The following DNMT3B variants were observed in gnomAD, a reference collection of about 807,000 sequenced individuals.
The protein encoded by DNMT3B is DNA methyltransferase 3 beta.
In DNMT3B, 37 loss-of-function variants were observed where a neutral mutation model predicts 120.2. That is an observed-to-expected ratio of 0.31 (90% CI 0.24 to 0.40). DNMT3B has a LOEUF of 0.40. Among genes scored for constraint, DNMT3B ranks in the 10% least tolerant of loss-of-function variants. The pLI, the probability that DNMT3B is intolerant of heterozygous loss-of-function variation, is 1.00. For missense variants in DNMT3B, 878 were observed against 1,137.3 expected (o/e 0.77, Z 3.28); for synonymous variants, 412 against 442.8 (o/e 0.93, Z 0.87).
intron 20 of DNMT3B, among the ~76,000 whole-genome samples, chr20:32,804,137 A>G (rs1981690345): frequency 1.3e-5 from 2 of 152,166 alleles, no homozygotes; most frequent in South Asian, 2.1e-4. Context: ...TTGCTGATGC[A>G]TTGGATGTGT....
At position 32,791,717 on chromosome 20, in the gene DNMT3B, G is replaced by A; in HGVS notation, c.921+9G>A. On this transcript the variant is annotated intron_variant, in intron 8 of 22. Coordinates refer to ENST00000328111, the MANE Select transcript of DNMT3B (RefSeq NM_006892.4). Reference sequence around the variant, plus strand: ...TGTACCATGCTCTGGAGGTAACATGGGATGAGGGAATGAGGGCTAAGCCCT... The same window carrying A: ...TGTACCATGCTCTGGAGGTAACATGAGATGAGGGAATGAGGGCTAAGCCCT... The A allele has an allele frequency of 6.2e-7, 1 of 1,613,598 alleles. No homozygotes were observed. The highest frequency in any genetic ancestry group is 8.5e-7 in the Non-Finnish European group (1 of 1,179,606).
chr20:32,797,325 A>T, intron 14 of DNMT3B, 26 bp downstream of exon 14: 2 of 1,609,702 alleles, frequency 1.2e-6, no homozygotes, highest in South Asian at 2.2e-5. Flanking sequence ...TGTGGGGTGG[A>T]TGTGGGTGGG....
intron 3 of DNMT3B, among the ~76,000 whole-genome samples, chr20:32,783,562 C>G (rs1010607600): frequency 6.6e-6 from 1 of 152,006 alleles, no homozygotes; most frequent in African/African-American, 2.4e-5. Context: ...CTTCCATTCT[C>G]TTGGTGGTGG....
intron 7 of DNMT3B, among the ~76,000 whole-genome samples, chr20:32,789,310 C>T (rs1392047067): frequency 1.3e-5 from 2 of 152,126 alleles, no homozygotes; most frequent in African/African-American, 2.4e-5. Context: ...GGAGTGGCCA[C>T]GTGAGCAAGT....
At chr20:32,798,749 C>T in intron 15 of DNMT3B, 106 bp downstream of exon 15, 2 of 1,480,878 alleles carry the variant, frequency 1.4e-6, no homozygotes, top group Non-Finnish European at 9.2e-7. Flanking sequence ...ACACGTTGTA[C>T]CTCTTGGAGC....
intron 1 of DNMT3B, among the ~76,000 whole-genome samples, chr20:32,776,210 CAG>C (rs937232312): frequency 1.2e-4 from 18 of 145,766 alleles, no homozygotes; most frequent in Admixed American, 9.0e-4. Context: ...GCCCAGGTGA[CAG>C]AGACTTGATC....
At chr20:32,800,744 C>T (rs1981232717) in intron 17 of DNMT3B, 91 bp from the exon 18 acceptor site, 2 of 1,431,528 alleles carry the variant, frequency 1.4e-6, no homozygotes, top group Admixed American at 1.7e-5. Flanking sequence ...TGTGAGCCAC[C>T]TCGTCCAGCC....
At position 32,800,234 on chromosome 20, in the gene DNMT3B, G is replaced by A. The variant is rs773822999; in HGVS notation, c.1841G>A (p.Gly614Glu). ...SEVCEESIAV[G>E]TVKHEGNIKY... ...GTGTGTGAGGAGTCCATTGCTGTTG[G>A]AACCGTGAAGCACGAGGGGAATATC... The change falls in exon 17 of 23, where the codon GGA becomes GAA. Residue 614 changes from glycine (G) to glutamate (E), a missense_variant. Transcript: ENST00000328111. 1.9e-6 allele frequency: 3 copies of A among 1,614,076 alleles called. No homozygotes were observed. The highest frequency in any genetic ancestry group is 2.5e-6 in the Non-Finnish European group (3 of 1,180,046).
chr20:32,795,801 T>A, intron 12 of DNMT3B, 107 bp downstream of exon 12: 1 of 1,446,874 alleles, frequency 6.9e-7, no homozygotes, highest in Non-Finnish European at 9.6e-7. Flanking sequence ...AGAGCTCTGT[T>A]CCTTAACCTC....
At position 32,786,537 on chromosome 20, in the gene DNMT3B, G is replaced by A. The variant is rs773968956; in HGVS notation, c.342G>A (p.Arg114=). The change falls in exon 5 of 23, where the codon CGG becomes CGA. Residue 114 remains arginine (R), a synonymous_variant. Coordinates refer to ENST00000328111, the MANE Select transcript of DNMT3B (RefSeq NM_006892.4). ...GAAATAACAACAGTGTCTCCAGCCG[G>A]GAGAGGCACAGGCCTTCCCCACGTT... ...RTRNNNSVSS[R]ERHRPSPRST... 2 of 1,613,872 alleles carry A rather than the reference G, an allele frequency of 1.2e-6. No individual in the cohort carries two copies. The highest frequency in any genetic ancestry group is 1.7e-6 in the Non-Finnish European group (2 of 1,180,042).
In DNMT3B at chr20:32,789,118, A is replaced by G. The variant is rs6119961; in HGVS notation, c.813+106A>G. ...TTGTATTCTGCAGATGTGTGAGCCT[A>G]TGCCTTCACACTGTCTGGGAGGAAG... On this transcript the variant is annotated intron_variant, in intron 7 of 22. Coordinates refer to ENST00000328111, the MANE Select transcript of DNMT3B (RefSeq NM_006892.4). 2.3e-3 allele frequency: 3,456 copies of G among 1,508,988 alleles called. 68 individuals are homozygous for G. In the African/African-American group the frequency reaches 0.042, roughly 18 times the overall value. The allele number at this position is 1,508,988 out of a possible 1,614,324, so 93.5% of individuals were successfully genotyped here. A position where few individuals can be genotyped will look rare whatever the true frequency, so the allele number is the denominator to read the frequency against.
chr20:32,783,794 C>T (rs1208095221), intron 3 of DNMT3B, among the ~76,000 whole-genome samples: 9 of 152,148 alleles, frequency 5.9e-5, no homozygotes, highest in African/African-American at 1.7e-4. Context: ...GGCACGATCT[C>T]GGCTCACTGC....
intron 1 of DNMT3B, chr20:32,780,017 G>C (rs955104117): frequency 1.3e-6 from 2 of 1,488,936 alleles, no homozygotes; most frequent in Non-Finnish European, 1.8e-6. Flanking sequence ...TGAAGGGGCC[G>C]GCTAATTGCA....
chr20:32,765,750 CTTTTTTTCTTT>C (rs1987314130), intron 1 of DNMT3B, among the ~76,000 whole-genome samples: 1 of 108,440 alleles, frequency 9.2e-6, no homozygotes, highest in Admixed American at 9.5e-5. Flanking sequence ...TTTATTTTTT[CTTTTTTTCTTT>C]TTTTTTTTTT....
At chr20:32,786,411 T>G (rs1601089938) in intron 4 of DNMT3B, 91 bp from the exon 5 acceptor site, 1 of 1,590,918 alleles carries the variant, frequency 6.3e-7, no homozygotes, top group Non-Finnish European at 8.6e-7. Flanking sequence ...CCAGGTCTCC[T>G]TGGCCACCTG....
At chr20:32,793,238 A>G (rs1980199497) in intron 9 of DNMT3B, among the ~76,000 whole-genome samples, 1 of 152,218 alleles carries the variant, frequency 6.6e-6, no homozygotes, top group Non-Finnish European at 1.5e-5. Context: ...TCATGCCTGT[A>G]ATCGCAGCAC....
In DNMT3B at chr20:32,762,549, G is replaced by T; in HGVS notation, c.-157G>T. On this transcript the variant is annotated 5_prime_UTR_variant, in exon 1 of 23. Coordinates refer to ENST00000328111, the MANE Select transcript of DNMT3B (RefSeq NM_006892.4). Reference sequence around the variant, plus strand: ...GCAACGCTGCCCGGCCGGCAGCGCTGGGGTTAAGTGGCCCAAGTAAACCTA... The same window carrying T: ...GCAACGCTGCCCGGCCGGCAGCGCTTGGGTTAAGTGGCCCAAGTAAACCTA... 1 of 350,260 alleles carries T rather than the reference G, an allele frequency of 2.9e-6. No individual in the cohort carries two copies. The highest frequency in any genetic ancestry group is 1.3e-4 in the East Asian group (1 of 7,900). 21.7% of individuals were successfully genotyped at this position (350,260 alleles called of 1,614,324 possible).
chr20:32,766,449 T>A (rs768809539), intron 1 of DNMT3B, among the ~76,000 whole-genome samples: 80 of 152,090 alleles, frequency 5.3e-4, no homozygotes, highest in Non-Finnish European at 1.0e-3. Flanking sequence ...GGTCCAACGA[T>A]CCTTCTGCCT....
At position 32,801,396 on chromosome 20, in the gene DNMT3B, C is replaced by CGACAAGAGG; in HGVS notation, c.2120_2128dup (p.Lys707_Asp709dup). On this transcript the variant is annotated inframe_insertion, in exon 19 of 23. Transcript: ENST00000328111. Reference sequence around the variant, plus strand: ...AGAATGTTGTAGCCATGAAGGTTGGCGACAAGAGGGACATCTCACGGTTCC... The same window carrying CGACAAGAGG: ...AGAATGTTGTAGCCATGAAGGTTGGCGACAAGAGGGACAAGAGGGACATCTCACGGTTCC... 1 of 1,614,026 alleles carries CGACAAGAGG rather than the reference C, an allele frequency of 6.2e-7. No homozygotes were observed. The highest frequency in any genetic ancestry group is 8.5e-7 in the Non-Finnish European group (1 of 1,180,024).
Sources: gnomAD v4.1 joint callset for allele counts (sites outside exome capture counted in the v4.1 genomes callset) on GRCh38, gnomAD v4.1.1 for gene constraint, MANE v1.5 for transcripts, NCBI Gene and HGNC (gene_info 2026-07-23, HGNC 2026-07-21) for gene names.